The following DNAH5 variants were observed in gnomAD, a reference collection of about 807,000 sequenced individuals.
The protein encoded by DNAH5 is dynein axonemal heavy chain 5, also known as axonemal beta dynein heavy chain 5.
DNAH5 carries 372 observed loss-of-function variants against 518.2 expected under a neutral mutation model. The observed-to-expected ratio is 0.72, with a 90% confidence interval of 0.66 to 0.78. The LOEUF is 0.78. Among genes scored for constraint, DNAH5 ranks in the 30% least tolerant of loss-of-function variants. The probability of loss-of-function intolerance (pLI) is 0.00; values close to 1 mark genes in which losing one functional copy is unlikely to be tolerated. For missense variants in DNAH5, 5,523 were observed against 5,687.0 expected (o/e 0.97, Z 0.93); for synonymous variants, 2,039 against 2,025.9 (o/e 1.01, Z -0.17).
intron 1 of DNAH5, among the ~76,000 whole-genome samples, chr5:13,935,164 G>C (rs533167071): frequency 2.6e-5 from 4 of 152,074 alleles, no homozygotes; most frequent in Non-Finnish European, 5.9e-5. Context: ...AGGAACTGAG[G>C]GCTTCCAAAG....
chr5:13,919,318 G>A lies in DNAH5; in HGVS notation c.833C>T (p.Ala278Val), dbSNP rs776859976. The A allele has an allele frequency of 4.3e-6, 7 of 1,613,898 alleles. No homozygotes were observed. In the African/African-American group the frequency reaches 6.7e-5, roughly 15 times the overall value. ...LAENNQLLKEADDVGPRAELE... is the reference protein window; with the variant it reads ...LAENNQLLKEVDDVGPRAELE... ...CTCCGCTCGTGGCCCAACGTCATCC[G>A]CTTCCTTCAGCAGCTGATTGTTTTC... is the stretch of plus-strand genomic sequence containing the variant. Residue 278 changes from alanine (A) to valine (V), a missense_variant, in exon 7 of 79, where the codon GCG (alanine) becomes GTG (valine). Transcript: ENST00000265104.
intron 12 of DNAH5, among the ~76,000 whole-genome samples, chr5:13,910,423 T>C (rs1163023926): frequency 6.6e-6 from 1 of 152,222 alleles, no homozygotes. Flanking sequence ...GCTAGCTTTG[T>C]TATGACTCAT....
intron 5 of DNAH5, among the ~76,000 whole-genome samples, chr5:13,921,756 C>CCCACACA (rs562419104): frequency 6.9e-6 from 1 of 145,156 alleles, no homozygotes; most frequent in African/African-American, 2.5e-5. Context: ...ACACACCCCC[C>CCCACACA]CACACACACA....
intron 1 of DNAH5, among the ~76,000 whole-genome samples, chr5:13,991,969 G>A (rs1469237565): frequency 6.6e-6 from 1 of 152,134 alleles, no homozygotes; most frequent in Admixed American, 6.5e-5. Flanking sequence ...AGTACACGAA[G>A]CAGAATGAAC....
At position 13,790,029 on chromosome 5, in the gene DNAH5, T is replaced by A. The variant is rs116105203; in HGVS notation, c.8449-1115A>T. On this transcript the variant is annotated intron_variant, in intron 50 of 78. Coordinates refer to ENST00000265104, the MANE Select transcript of DNAH5 (RefSeq NM_001369.3). ...AATATCACATCAGTCAGAAAGGCTA[T>A]TATTAAAAAGTCAAAAATAACAGAT... Among the ~76,000 whole-genome samples, 1,251 of 152,230 alleles carry A rather than the reference T, an allele frequency of 8.2e-3. 6 individuals carry two copies. Among genetic ancestry groups the A allele is most frequent in the Middle Eastern group, 0.027 (8 of 294 alleles).
chr5:13,794,187 C>T (rs747077120), intron 47 of DNAH5, 129 bp from the exon 48 acceptor site: 2 of 1,163,600 alleles, frequency 1.7e-6, no homozygotes, highest in Non-Finnish European at 2.5e-6. Context: ...CCAAATTTCC[C>T]CCTTAATTCT....
chr5:13,795,424 C>G (rs1757673714), intron 47 of DNAH5, among the ~76,000 whole-genome samples: 1 of 152,218 alleles, frequency 6.6e-6, no homozygotes, highest in African/African-American at 2.4e-5. Flanking sequence ...ATAAACACCT[C>G]TACACAAATA....
chr5:13,864,510 G>A lies in DNAH5; in HGVS notation c.4483C>T (p.His1495Tyr). ...GTGAGGGTGGTTATCCTTTCCCAGTGCCGCTCCATCATGGCTTTACTGGCC... is the reference window on the plus strand; with the variant it reads ...GTGAGGGTGGTTATCCTTTCCCAGTACCGCTCCATCATGGCTTTACTGGCC... ...YMASKAMMER[H>Y]WERITTLTGH... Residue 1495 changes from histidine (H) to tyrosine (Y), a missense_variant, in exon 28 of 79, where the codon CAC becomes TAC. Physicochemically the swap from His to Tyr is moderately conservative, Grantham distance 83. Around this residue, in one of 3 missense-constraint regions of DNAH5, gnomAD observed 5,121 missense variants for 5,223.3 expected, o/e 0.98. Transcript: ENST00000265104. 2 of 1,614,040 alleles carry A rather than the reference G, an allele frequency of 1.2e-6. No individual in the cohort carries two copies. The highest frequency in any genetic ancestry group is 2.2e-5 in the East Asian group (1 of 44,872).
rs1196830656 is a variant in DNAH5, at chr5:13,892,671, G to A, written c.2432-1550C>T. The stretch of plus-strand genomic sequence containing the variant: ...CCAAATTGTTAATACTTTAATACTA[G>A]TGTTCTAAAGGAAGGATATTACTAA... On this transcript the variant is annotated intron_variant, in intron 16 of 78. Coordinates refer to ENST00000265104, the MANE Select transcript of DNAH5 (RefSeq NM_001369.3). 2.0e-5 allele frequency among the ~76,000 whole-genome samples: 3 copies of A among 152,226 alleles called. No homozygotes were observed. In the East Asian group the frequency reaches 5.8e-4, roughly 29 times the overall value.
rs2151981160 is a variant in DNAH5 at position 13,913,923 on chromosome 5, CTTTTG to C, written c.1351_1355del (p.Gln451AlafsTer2). The C allele has an allele frequency of 6.2e-7, 1 of 1,613,312 alleles. No individual in the cohort carries two copies. The highest frequency in any genetic ancestry group is 8.5e-7 in the Non-Finnish European group (1 of 1,179,424). On this transcript the variant is annotated frameshift_variant, in exon 11 of 79. Transcript: ENST00000265104. LOFTEE classifies it high-confidence loss of function. ...GTTTTGCATTTGGATTTTGTTTAAGCTTTTGTTTTGTCTTGTGAAAGCAGAGCTGG... is the reference window on the plus strand; with the variant it reads ...GTTTTGCATTTGGATTTTGTTTAAGCTTTTGTCTTGTGAAAGCAGAGCTGG...
At chr5:13,754,774 G>A (rs1029221588) in intron 61 of DNAH5, among the ~76,000 whole-genome samples, 6 of 151,990 alleles carry the variant, frequency 3.9e-5, no homozygotes, top group East Asian at 2.0e-4. Context: ...CCAACCTCAG[G>A]TGATCCGCCA....
rs1475664384 is a variant in DNAH5, at chr5:13,901,593, A to T, written c.1731-20T>A. On this transcript the variant is annotated intron_variant, in intron 13 of 78. Coordinates refer to ENST00000265104, the MANE Select transcript of DNAH5 (RefSeq NM_001369.3). ...TTCAATCTGATTTTTTTAAAAAGTTAAAAGCTTGAATTAATGGAATAAAAT... is the reference window on the plus strand; with the variant it reads ...TTCAATCTGATTTTTTTAAAAAGTTTAAAGCTTGAATTAATGGAATAAAAT... 1 of 1,521,472 alleles carries T rather than the reference A, an allele frequency of 6.6e-7. No homozygotes were observed. The highest frequency in any genetic ancestry group is 2.3e-5 in the East Asian group (1 of 43,622). 94.2% of individuals were successfully genotyped at this position (1,521,472 alleles called of 1,614,324 possible).
chr5:13,713,244 CATAT>C (rs1391695146), intron 75 of DNAH5, among the ~76,000 whole-genome samples: 1 of 141,798 alleles, frequency 7.1e-6, no homozygotes, highest in East Asian at 2.1e-4. Flanking sequence ...TATATACCAA[CATAT>C]ATATATACCG....
intron 15 of DNAH5, 116 bp from the exon 16 acceptor site, chr5:13,894,937 A>G: frequency 9.2e-7 from 1 of 1,082,480 alleles, no homozygotes; most frequent in Non-Finnish European, 1.4e-6. Flanking sequence ...TAGGGCTCTA[A>G]TAGCCTGGCA....
At position 13,700,880 on chromosome 5, in the gene DNAH5, G is replaced by A. The variant is rs777751557; in HGVS notation, c.13492-9C>T. On this transcript the variant is annotated splice_polypyrimidine_tract_variant and intron_variant, in intron 77 of 78. Coordinates refer to ENST00000265104, the MANE Select transcript of DNAH5 (RefSeq NM_001369.3). ...TTGGCCCGAGTTATTTCCTATTCAG[G>A]GCAGCAAAAGATGAATGGAGCGGTT... 3 of 1,613,552 alleles carry A rather than the reference G, an allele frequency of 1.9e-6. No homozygotes were observed. The highest frequency in any genetic ancestry group is 2.5e-6 in the Non-Finnish European group (3 of 1,179,684).
At chr5:13,791,923 A>G in intron 50 of DNAH5, 71 bp downstream of exon 50, 13 of 1,324,408 alleles carry the variant, frequency 9.8e-6, no homozygotes, top group Non-Finnish European at 1.4e-5. Flanking sequence ...TAAAAAATAA[A>G]TCAATAAAAA....
intron 17 of DNAH5, among the ~76,000 whole-genome samples, chr5:13,890,406 C>CAAA (rs35655538): frequency 2.2e-5 from 3 of 136,902 alleles, no homozygotes; most frequent in Non-Finnish European, 4.7e-5. Flanking sequence ...GACTCCATCT[C>CAAA]AAAAAAAAAA....
At chr5:13,977,697 A>C (rs1358886706) in intron 1 of DNAH5, among the ~76,000 whole-genome samples, 1 of 152,144 alleles carries the variant, frequency 6.6e-6, no homozygotes, top group Non-Finnish European at 1.5e-5. Context: ...ACACATCAGC[A>C]TCCTGGGTCC....
At chr5:13,800,871 C>T (rs1054417832) in intron 47 of DNAH5, among the ~76,000 whole-genome samples, 5 of 152,090 alleles carry the variant, frequency 3.3e-5, no homozygotes, top group Non-Finnish European at 5.9e-5. Context: ...GATATGTTCG[C>T]TTATTAGATT....
Sources: gnomAD v4.1 joint callset for allele counts (sites outside exome capture counted in the v4.1 genomes callset) on GRCh38, gnomAD v4.1.1 for gene constraint, gnomAD v4.1.1 regional missense constraint, MANE v1.5 for transcripts, NCBI Gene and HGNC (gene_info 2026-07-23, HGNC 2026-07-21) for gene names.